Variants in NLGN1 observed in about 807,000 individuals in gnomAD.
NLGN1 encodes the protein neuroligin 1.
In NLGN1, 12 loss-of-function variants were observed where a neutral mutation model predicts 65.5. The ratio of observed to expected loss-of-function variants is 0.18; its 90% CI spans 0.12 to 0.30. The LOEUF is 0.30. Ranked by LOEUF, NLGN1 falls within the 10% of genes least tolerant of loss-of-function variation. NLGN1 has a pLI of 1.00. For synonymous variants in NLGN1, 350 were observed against 359.5 expected, an observed-to-expected ratio of 0.97 and a Z score of 0.30; for missense variants, 750 against 1,007.1, an observed-to-expected ratio of 0.74 and a Z score of 3.46.
At chr3:174,115,351 A>G (rs377345437) in intron 4 of NLGN1, among the ~76,000 whole-genome samples, 7 of 152,156 alleles carry the variant, frequency 4.6e-5, no homozygotes, top group African/African-American at 1.7e-4. Flanking sequence ...AATAGCCACT[A>G]TTATTGTAAA....
At chr3:174,063,282 TA>T (rs1375947360) in intron 4 of NLGN1, among the ~76,000 whole-genome samples, 6 of 152,118 alleles carry the variant, frequency 3.9e-5, no homozygotes, top group South Asian at 2.1e-4. Context: ...AAGGCTTAAA[TA>T]AATACATTTT....
At chr3:173,417,164 G>A (rs1276720998) in intron 1 of NLGN1, among the ~76,000 whole-genome samples, 1 of 151,692 alleles carries the variant, frequency 6.6e-6, no homozygotes, top group African/African-American at 2.4e-5. Context: ...CATGTCTCAA[G>A]GTAATATCTA....
intron 5 of NLGN1, among the ~76,000 whole-genome samples, chr3:174,276,001 T>C (rs1750487914): frequency 6.6e-6 from 1 of 151,900 alleles, no homozygotes; most frequent in Non-Finnish European, 1.5e-5. Context: ...ATTTCACTTG[T>C]TGTCTGAGTA....
chr3:174,064,010 C>A (rs919826650), intron 4 of NLGN1, among the ~76,000 whole-genome samples: 6 of 151,990 alleles, frequency 3.9e-5, no homozygotes, highest in Non-Finnish European at 1.5e-5. Context: ...GGCATGGTGA[C>A]AGGAGCCTGT....
intron 2 of NLGN1, among the ~76,000 whole-genome samples, chr3:173,570,729 A>G (rs1282077053): frequency 6.6e-6 from 1 of 152,080 alleles, no homozygotes; most frequent in Non-Finnish European, 1.5e-5. Flanking sequence ...TTTAAGAGAG[A>G]GTCTCACTCT....
At chr3:173,928,881 G>T (rs1743518985) in intron 4 of NLGN1, among the ~76,000 whole-genome samples, 1 of 151,868 alleles carries the variant, frequency 6.6e-6, no homozygotes. Context: ...ATGTTGACTA[G>T]GCTGGTGTTG....
At chr3:173,476,456 CT>C (rs1466519260) in intron 2 of NLGN1, among the ~76,000 whole-genome samples, 6 of 152,018 alleles carry the variant, frequency 3.9e-5, no homozygotes, top group African/African-American at 1.4e-4. Context: ...AAATTGTGGC[CT>C]TTTTTGGTAT....
chr3:173,898,643 G>T (rs944912154), intron 4 of NLGN1, among the ~76,000 whole-genome samples: 4 of 152,126 alleles, frequency 2.6e-5, no homozygotes, highest in Non-Finnish European at 1.5e-5. Context: ...TGCTGTTGTT[G>T]GGTGTGTATG....
intron 4 of NLGN1, among the ~76,000 whole-genome samples, chr3:174,095,479 TTG>T (rs145452364): frequency 0.019 from 2,773 of 149,830 alleles, 43 homozygotes; most frequent in Non-Finnish European, 0.027. Flanking sequence ...GTGTGTATGC[TTG>T]TGTGTGTGTG....
At chr3:174,021,646 C>T (rs111641787) in intron 4 of NLGN1, among the ~76,000 whole-genome samples, 2,091 of 152,222 alleles carry the variant, frequency 0.014, 32 homozygotes, top group African/African-American at 0.044. Flanking sequence ...CATCTGGGAA[C>T]TGCCAGTCAC....
intron 4 of NLGN1, among the ~76,000 whole-genome samples, chr3:173,927,279 G>T (rs1318370302): frequency 2.6e-5 from 4 of 152,156 alleles, no homozygotes; most frequent in Non-Finnish European, 1.5e-5. Flanking sequence ...GGTCAGGCTG[G>T]TCTCAAACTC....
chr3:173,819,287 T>TG (rs1283875260), intron 4 of NLGN1, among the ~76,000 whole-genome samples: 1 of 152,112 alleles, frequency 6.6e-6, no homozygotes, highest in African/African-American at 2.4e-5. Context: ...ATATGCCAAT[T>TG]GCATCCCACA....
intron 4 of NLGN1, among the ~76,000 whole-genome samples, chr3:173,890,712 G>T (rs1310093625): frequency 6.6e-6 from 1 of 152,100 alleles, no homozygotes; most frequent in Non-Finnish European, 1.5e-5. Flanking sequence ...TGACGAAAAG[G>T]TTTACCTCCT....
chr3:173,437,084 TA>T (rs1174761756), intron 2 of NLGN1, among the ~76,000 whole-genome samples: 1 of 152,224 alleles, frequency 6.6e-6, no homozygotes, highest in Non-Finnish European at 1.5e-5. Context: ...AAGCACTACA[TA>T]AAACATTTGA....
At chr3:173,808,347 T>C (rs767468695) in intron 4 of NLGN1, among the ~76,000 whole-genome samples, 2 of 152,082 alleles carry the variant, frequency 1.3e-5, no homozygotes, top group Non-Finnish European at 2.9e-5. Flanking sequence ...ATTATTTAAT[T>C]TGAAAAAACA....
chr3:173,909,355 T>C (rs1438695204), intron 4 of NLGN1, among the ~76,000 whole-genome samples: 3 of 152,334 alleles, frequency 2.0e-5, no homozygotes, highest in African/African-American at 7.2e-5. Context: ...CAGATCATTC[T>C]TTATCATAGG....
At chr3:173,471,498 T>A (rs1252279841) in intron 2 of NLGN1, among the ~76,000 whole-genome samples, 1 of 152,118 alleles carries the variant, frequency 6.6e-6, no homozygotes. Context: ...CAAAATTTCC[T>A]GTTTATAAGA....
At chr3:173,411,536 T>TCC (rs2148652395) in intron 1 of NLGN1, among the ~76,000 whole-genome samples, 1 of 152,290 alleles carries the variant, frequency 6.6e-6, no homozygotes, top group East Asian at 1.9e-4. Context: ...AAGTAGTACT[T>TCC]AAGTACTTTC....
Position 173,846,204 on chromosome 3 carries a change from C to T in NLGN1, c.646+38372C>T, listed in dbSNP as rs887553132. Among the ~76,000 whole-genome samples the T allele has an allele frequency of 3.3e-5, 5 of 152,186 alleles. No individual in the cohort carries two copies. The East Asian group carries it at 5.8e-4, about 18-fold the overall frequency. ...TAATATAAATGAATGAATGAACCAT[C>T]TTTTCTAAATTCTCCAGTTAAAATT... On this transcript the variant is annotated intron_variant, in intron 4 of 6. Coordinates refer to ENST00000457714, the Ensembl canonical transcript of NLGN1.
Sources: gnomAD v4.1 joint callset for allele counts (sites outside exome capture counted in the v4.1 genomes callset) on GRCh38, gnomAD v4.1.1 for gene constraint, MANE v1.5 for transcripts, NCBI Gene and HGNC (gene_info 2026-07-23, HGNC 2026-07-21) for gene names.